Variants in TSPAN12 observed in about 807,000 individuals in gnomAD.
The protein encoded by TSPAN12 is tetraspanin 12.
A neutral mutation model predicts 39.2 loss-of-function variants in TSPAN12; 19 were observed. The ratio of observed to expected loss-of-function variants is 0.49; its 90% CI spans 0.34 to 0.71. The LOEUF (loss-of-function observed/expected upper bound fraction) is 0.71. Among genes scored for constraint, TSPAN12 ranks in the 30% least tolerant of loss-of-function variants. The pLI, the probability that TSPAN12 is intolerant of heterozygous loss-of-function variation, is 0.01. For synonymous variants in TSPAN12, 119 were observed against 124.8 expected (o/e 0.95, Z 0.31); for missense variants, 314 against 359.9 (o/e 0.87, Z 1.03).
At chr7:120,820,427 C>T (rs1433600467) in intron 4 of TSPAN12, among the ~76,000 whole-genome samples, 1 of 152,130 alleles carries the variant, frequency 6.6e-6, no homozygotes, top group Non-Finnish European at 1.5e-5. Context: ...TTGTGAAACA[C>T]CATCCATAAT....
intron 7 of TSPAN12, among the ~76,000 whole-genome samples, chr7:120,798,370 G>T (rs964244548): frequency 6.6e-6 from 1 of 152,176 alleles, no homozygotes; most frequent in East Asian, 1.9e-4. Flanking sequence ...AATGAAGTCA[G>T]TAGAGAGACA....
chr7:120,846,884 A>G (rs1326342397), intron 2 of TSPAN12, among the ~76,000 whole-genome samples: 1 of 152,206 alleles, frequency 6.6e-6, no homozygotes, highest in Non-Finnish European at 1.5e-5. Context: ...GATCTAAAGG[A>G]TAATTATCAA....
chr7:120,818,075 T>C (rs760395802), intron 4 of TSPAN12, among the ~76,000 whole-genome samples: 1 of 152,096 alleles, frequency 6.6e-6, no homozygotes, highest in South Asian at 2.1e-4. Flanking sequence ...GAAGCAATGC[T>C]GTTAAGACTT....
At chr7:120,830,856 C>G (rs894446084) in intron 4 of TSPAN12, among the ~76,000 whole-genome samples, 1 of 151,782 alleles carries the variant, frequency 6.6e-6, no homozygotes, top group Non-Finnish European at 1.5e-5. Context: ...AGAGTGAAAC[C>G]CATTGATTAG....
intron 2 of TSPAN12, among the ~76,000 whole-genome samples, chr7:120,852,051 T>C (rs1021221059): frequency 3.9e-5 from 6 of 152,112 alleles, no homozygotes; most frequent in African/African-American, 1.4e-4. Context: ...TAAAAACACA[T>C]CTATGCCTTA....
intron 7 of TSPAN12, among the ~76,000 whole-genome samples, chr7:120,803,346 T>C (rs143978430): frequency 6.6e-6 from 1 of 152,280 alleles, no homozygotes; most frequent in Non-Finnish European, 1.5e-5. Context: ...AACTTCTGAA[T>C]AAACATCCCA....
At position 120,790,685 on chromosome 7, in the gene TSPAN12, A is replaced by G. The variant is rs192127575; in HGVS notation, c.613-1788T>C. ...CAGGACAATGAGATAACTGTCCAAAATGATTACTTGCTCCTGAGACATTAG... is the reference window on the plus strand; with the variant it reads ...CAGGACAATGAGATAACTGTCCAAAGTGATTACTTGCTCCTGAGACATTAG... On this transcript the variant is annotated intron_variant, in intron 7 of 7. Coordinates refer to ENST00000222747, the MANE Select transcript of TSPAN12 (RefSeq NM_012338.4). Among the ~76,000 whole-genome samples, 3 of 152,348 alleles carry G rather than the reference A, an allele frequency of 2.0e-5. No homozygotes were observed. In the East Asian group the frequency reaches 5.8e-4, roughly 29 times the overall value.
At chr7:120,828,635 T>C (rs906933290) in intron 4 of TSPAN12, among the ~76,000 whole-genome samples, 4 of 151,050 alleles carry the variant, frequency 2.6e-5, no homozygotes, top group African/African-American at 7.3e-5. Flanking sequence ...CGATTGTTCC[T>C]TAGTGTTTTT....
intron 7 of TSPAN12, among the ~76,000 whole-genome samples, chr7:120,792,181 T>C (rs1170708470): frequency 2.0e-5 from 3 of 152,178 alleles, no homozygotes; most frequent in South Asian, 2.1e-4. Context: ...TGGTGAGAAC[T>C]GGCAGCCTAG....
In TSPAN12 at chr7:120,841,116, A is replaced by C. The variant is rs1174703210; in HGVS notation, c.67-1007T>G. Among the ~76,000 whole-genome samples, 3 of 152,190 alleles carry C rather than the reference A, an allele frequency of 2.0e-5. No individual in the cohort carries two copies. The East Asian group carries it at 5.8e-4, about 29-fold the overall frequency. ...AAAGGCTGGTGGGAAGTCAGAATAG[A>C]GAAAGTAGGCAGATGATCCAGACCA... On this transcript the variant is annotated intron_variant, in intron 2 of 7. Transcript: ENST00000222747.
chr7:120,825,562 T>C (rs538975917), intron 4 of TSPAN12, among the ~76,000 whole-genome samples: 11 of 152,224 alleles, frequency 7.2e-5, no homozygotes, highest in Non-Finnish European at 1.6e-4. Flanking sequence ...TGATAAATGA[T>C]AAACTCCAGT....
intron 2 of TSPAN12, among the ~76,000 whole-genome samples, chr7:120,844,286 C>A (rs565289738): frequency 1.3e-5 from 2 of 152,242 alleles, no homozygotes; most frequent in South Asian, 4.2e-4. Flanking sequence ...CCATATCATT[C>A]AACCCCTGGC....
chr7:120,839,329 A>G (rs1275669070), intron 3 of TSPAN12, among the ~76,000 whole-genome samples: 1 of 152,132 alleles, frequency 6.6e-6, no homozygotes, highest in African/African-American at 2.4e-5. Flanking sequence ...TCTCCCTGAC[A>G]ATTGATCCTC....
chr7:120,841,035 T>C (rs1197231700), intron 2 of TSPAN12, among the ~76,000 whole-genome samples: 1 of 152,184 alleles, frequency 6.6e-6, no homozygotes, highest in Non-Finnish European at 1.5e-5. Flanking sequence ...CAGAAATGTG[T>C]AGCAACTTCA....
chr7:120,838,241 T>C (rs1188109409), intron 4 of TSPAN12, among the ~76,000 whole-genome samples: 1 of 152,152 alleles, frequency 6.6e-6, no homozygotes, highest in African/African-American at 2.4e-5. Flanking sequence ...TCACAGAATT[T>C]GAATGGTGAA....
rs553888578 is a variant in TSPAN12, at chr7:120,825,335, T to A, written c.286-9532A>T. 3.3e-5 allele frequency among the ~76,000 whole-genome samples: 5 copies of A among 152,330 alleles called. No homozygotes were observed. In the South Asian group the frequency reaches 6.2e-4, roughly 19 times the overall value. Reference sequence around the variant, plus strand: ...GTTTTTTCATGAGTAACATTCAACATGATTTAAAACCACAAAAGTCAGATT... The same window carrying A: ...GTTTTTTCATGAGTAACATTCAACAAGATTTAAAACCACAAAAGTCAGATT... On this transcript the variant is annotated intron_variant, in intron 4 of 7. Coordinates refer to ENST00000222747, the MANE Select transcript of TSPAN12 (RefSeq NM_012338.4).
intron 5 of TSPAN12, among the ~76,000 whole-genome samples, chr7:120,811,587 G>A (rs547587751): frequency 6.6e-6 from 1 of 151,160 alleles, no homozygotes; most frequent in African/African-American, 2.4e-5. Context: ...GGAGAATGGT[G>A]TGAACCCGGA....
At chr7:120,806,386 AT>A (rs1218216497) in intron 7 of TSPAN12, among the ~76,000 whole-genome samples, 162 bp downstream of exon 7, 1 of 152,132 alleles carries the variant, frequency 6.6e-6, no homozygotes, top group East Asian at 1.9e-4. Flanking sequence ...AGATTTTTAT[AT>A]TGTTTTTTAG....
At chr7:120,835,137 C>T (rs1173504887) in intron 4 of TSPAN12, among the ~76,000 whole-genome samples, 1 of 152,104 alleles carries the variant, frequency 6.6e-6, no homozygotes, top group Non-Finnish European at 1.5e-5. Flanking sequence ...TGTTTGTAGT[C>T]TGGTAGTCTG....
Sources: allele counts gnomAD v4.1 joint callset (sites outside exome capture counted in the v4.1 genomes callset), GRCh38; gene constraint gnomAD v4.1.1; transcripts MANE v1.5; gene names NCBI Gene and HGNC (gene_info 2026-07-23, HGNC 2026-07-21).